LIPC: variants seen among roughly 807,000 people sequenced by gnomAD.
LIPC encodes hepatic triacylglycerol lipase.
In LIPC, 44 loss-of-function variants were observed where a neutral mutation model predicts 50.7. The ratio of observed to expected loss-of-function variants is 0.87; its 90% CI spans 0.68 to 1.11. LIPC has a LOEUF of 1.11. LIPC is among the 50% of genes most tolerant of loss of function. The pLI is 0.00. For synonymous variants in LIPC, 271 were observed against 256.4 expected, an observed-to-expected ratio of 1.06 and a Z score of -0.54; for missense variants, 697 against 648.2, an observed-to-expected ratio of 1.08 and a Z score of -0.82.
At chr15:58,551,036 C>T (rs1206287270) in intron 6 of LIPC, among the ~76,000 whole-genome samples, 1 of 106,412 alleles carries the variant, frequency 9.4e-6, no homozygotes, top group Admixed American at 1.0e-4. Context: ...GGGGTTTCGC[C>T]ACGTTGGCCA....
At chr15:58,501,688 T>C (rs903121912) in intron 1 of LIPC, among the ~76,000 whole-genome samples, 2 of 152,168 alleles carry the variant, frequency 1.3e-5, no homozygotes, top group African/African-American at 2.4e-5. Flanking sequence ...TACAATACCA[T>C]TTTTAAATCT....
intron 1 of LIPC, among the ~76,000 whole-genome samples, chr15:58,449,057 G>A (rs918255830): frequency 1.1e-4 from 16 of 151,450 alleles, no homozygotes; most frequent in Non-Finnish European, 2.2e-4. Flanking sequence ...TGCACACGAC[G>A]GGCAGTGGGG....
At chr15:58,544,674 G>A (rs533292278) in intron 4 of LIPC, among the ~76,000 whole-genome samples, 2 of 152,260 alleles carry the variant, frequency 1.3e-5, no homozygotes, top group East Asian at 1.9e-4. Flanking sequence ...GGGATTACCA[G>A]GCGTGAGCCA....
chr15:58,546,730 A>T (rs1012823681), intron 5 of LIPC, among the ~76,000 whole-genome samples: 2 of 152,166 alleles, frequency 1.3e-5, no homozygotes, highest in Admixed American at 1.3e-4. Context: ...AGCCAAGTAG[A>T]GCCCTCCACC....
intron 1 of LIPC, among the ~76,000 whole-genome samples, chr15:58,484,900 A>C (rs983221629): frequency 5.3e-5 from 8 of 152,244 alleles, no homozygotes; most frequent in Non-Finnish European, 1.2e-4. Flanking sequence ...AGTGGGTTGC[A>C]AGCCGTGGTT....
intron 6 of LIPC, among the ~76,000 whole-genome samples, chr15:58,551,532 G>A (rs1288306099): frequency 1.3e-5 from 2 of 152,052 alleles, no homozygotes; most frequent in Non-Finnish European, 2.9e-5. Context: ...CATTTCCATC[G>A]CCGCGGAGAG....
intron 1 of LIPC, among the ~76,000 whole-genome samples, chr15:58,515,914 T>C (rs1433355208): frequency 1.3e-5 from 2 of 152,164 alleles, no homozygotes; most frequent in Admixed American, 1.3e-4. Context: ...CTCTTCTTAG[T>C]GTCACTGTGA....
intron 1 of LIPC, among the ~76,000 whole-genome samples, chr15:58,524,804 C>T (rs79911456): frequency 2.8e-3 from 427 of 152,192 alleles, no homozygotes; most frequent in Non-Finnish European, 5.5e-3. Context: ...CTATAGATAT[C>T]GGGGATATTC....
intron 1 of LIPC, among the ~76,000 whole-genome samples, chr15:58,437,146 C>A (rs1893326607): frequency 6.6e-6 from 1 of 152,132 alleles, no homozygotes; most frequent in Non-Finnish European, 1.5e-5. Flanking sequence ...CTATTGCTGG[C>A]CCCTAAGCAC....
At chr15:58,472,405 T>C (rs529902643) in intron 1 of LIPC, among the ~76,000 whole-genome samples, 1 of 151,940 alleles carries the variant, frequency 6.6e-6, no homozygotes, top group African/African-American at 2.4e-5. Context: ...TGAAACCCTG[T>C]CTCTACCAAA....
rs149195239 is a variant in LIPC, at chr15:58,548,507, G to T, written c.986G>T (p.Arg329Leu). The T allele has an allele frequency of 7.5e-6, 12 of 1,603,732 alleles. No individual in the cohort carries two copies. The highest frequency in any genetic ancestry group is 2.7e-5 in the African/African-American group (2 of 74,856). ...TGCAACACGCTGGGCTACCACGTCC[G>T]CCAGGAGCCGCGGAGCAAGAGCAAG... ...GRCNTLGYHV[R>L]QEPRSKSKRL... The change falls in exon 6 of 9, where the codon CGC (arginine) becomes CTC (leucine). Residue 329 changes from arginine (R) to leucine (L), a missense_variant. By Grantham distance (102) the Arg-to-Leu change is moderately radical. Coordinates refer to ENST00000299022, the MANE Select transcript of LIPC (RefSeq NM_000236.3).
chr15:58,463,132 A>G (rs1161097995), intron 1 of LIPC, among the ~76,000 whole-genome samples: 3 of 152,256 alleles, frequency 2.0e-5, no homozygotes, highest in Middle Eastern at 3.4e-3. Flanking sequence ...GAAAGGTGAT[A>G]TTGTGCTTCT....
chr15:58,514,519 A>G (rs2099358345), intron 1 of LIPC, among the ~76,000 whole-genome samples: 1 of 152,194 alleles, frequency 6.6e-6, no homozygotes, highest in Non-Finnish European at 1.5e-5. Context: ...CCTCTTTCCT[A>G]GTAAGTATAA....
Position 58,506,762 on chromosome 15 carries a change from G to A in LIPC, c.89-31571G>A, listed in dbSNP as rs117376818. On this transcript the variant is annotated intron_variant, in intron 1 of 8. Transcript: ENST00000299022. The stretch of plus-strand genomic sequence containing the variant: ...CCCTCTGCCCCCCACCCTGACGTGG[G>A]GGAAGATGCTACAGGTGTGGGGGTG... 6.3e-3 allele frequency among the ~76,000 whole-genome samples: 965 copies of A among 152,290 alleles called. 5 individuals carry two copies. The highest frequency in any genetic ancestry group is 0.01 in the Middle Eastern group (3 of 294).
chr15:58,566,507 C>G lies in LIPC; in HGVS notation c.1389-2209C>G, dbSNP rs1484759464. ...TAATTTTTTAGTGCCTTTTGCAGACCAAAATCCCAGAATCGGGATGGGAAC... is the reference window on the plus strand; with the variant it reads ...TAATTTTTTAGTGCCTTTTGCAGACGAAAATCCCAGAATCGGGATGGGAAC... On this transcript the variant is annotated intron_variant, in intron 8 of 8. Transcript: ENST00000299022. The G allele has an allele frequency of 2.5e-5, 24 of 953,044 alleles. No individual in the cohort carries two copies. The African/African-American group carries it at 3.2e-4, about 13-fold the overall frequency. The allele number at this position is 953,044 out of a possible 1,614,324, so 59.0% of individuals were successfully genotyped here.
Position 58,538,355 on chromosome 15 carries a change from A to G in LIPC, c.111A>G (p.Gln37=), listed in dbSNP as rs754483055. 1.9e-6 allele frequency: 3 copies of G among 1,614,126 alleles called. No homozygotes were observed. Among genetic ancestry groups the G allele is most frequent in the Admixed American group, 3.3e-5 (2 of 60,014 alleles). ...LKPEPFGRRA[Q]AVETNKTLHE... Reference sequence around the variant, plus strand: ...CAGAGCCATTTGGAAGAAGAGCTCAAGCTGTTGAAACAAACAAAACGCTGC... The same window carrying G: ...CAGAGCCATTTGGAAGAAGAGCTCAGGCTGTTGAAACAAACAAAACGCTGC... Residue 37 remains glutamine, a synonymous_variant, in exon 2 of 9, where the codon CAA becomes CAG. Transcript: ENST00000299022.
intron 1 of LIPC, among the ~76,000 whole-genome samples, chr15:58,507,163 C>A (rs1228981546): frequency 6.6e-6 from 1 of 152,126 alleles, no homozygotes; most frequent in Admixed American, 6.5e-5. Context: ...ACAGGCAAAT[C>A]ATAGGAGTGG....
At chr15:58,463,948 T>C (rs1894445576) in intron 1 of LIPC, among the ~76,000 whole-genome samples, 2 of 152,180 alleles carry the variant, frequency 1.3e-5, no homozygotes, top group South Asian at 4.1e-4. Context: ...AACAGATAGT[T>C]ACATTGATAC....
At position 58,439,528 on chromosome 15, in the gene LIPC, C is replaced by T. The variant is rs992705993; in HGVS notation, c.88+7408C>T. On this transcript the variant is annotated intron_variant, in intron 1 of 8. Transcript: ENST00000299022. ...GCACAGTCTTGGCTCGCAGCAACCT[C>T]TGCCTCCCGGGTTCAAGCAGTTCTC... Among the ~76,000 whole-genome samples the T allele has an allele frequency of 9.2e-5, 14 of 152,224 alleles. 1 individual carries two copies. The South Asian group carries it at 2.9e-3, about 32-fold the overall frequency.
Sources: gnomAD v4.1 joint callset for allele counts (sites outside exome capture counted in the v4.1 genomes callset) on GRCh38, gnomAD v4.1.1 for gene constraint, MANE v1.5 for transcripts, NCBI Gene and HGNC (gene_info 2026-07-23, HGNC 2026-07-21) for gene names.